KDM2A: variants seen among roughly 807,000 people sequenced by gnomAD.
KDM2A encodes the protein lysine demethylase 2A, also known as lysine-specific demethylase 2A.
A neutral mutation model predicts 137.3 loss-of-function variants in KDM2A; 3 were observed. The observed-to-expected ratio is 0.02, with a 90% CI of 0.01 to 0.06. The LOEUF is 0.06. Ranked by LOEUF, KDM2A falls within the 10% of genes least tolerant of loss-of-function variation. KDM2A has a pLI of 1.00. For synonymous variants in KDM2A, 512 were observed against 541.5 expected (o/e 0.95, Z 0.76); for missense variants, 738 against 1,510.6 (o/e 0.49, Z 8.48).
chr11:67,235,926 C>G (rs1234870627), intron 12 of KDM2A, among the ~76,000 whole-genome samples: 1 of 152,046 alleles, frequency 6.6e-6, no homozygotes, highest in Non-Finnish European at 1.5e-5. Context: ...CCAAGATATC[C>G]TTAACATTTC....
intron 5 of KDM2A, among the ~76,000 whole-genome samples, chr11:67,187,722 C>T (rs1040365586): frequency 3.9e-5 from 6 of 152,050 alleles, no homozygotes; most frequent in Non-Finnish European, 7.4e-5. Flanking sequence ...TACAGGTGCC[C>T]GCCACCACGC....
intron 1 of KDM2A, among the ~76,000 whole-genome samples, chr11:67,120,523 A>G (rs1269891387): frequency 1.3e-5 from 2 of 152,142 alleles, no homozygotes; most frequent in Admixed American, 6.6e-5. Flanking sequence ...TTTGGACAAG[A>G]TGTATTTTCC....
intron 2 of KDM2A, among the ~76,000 whole-genome samples, chr11:67,152,640 G>A (rs867983898): frequency 6.6e-6 from 1 of 151,504 alleles, no homozygotes; most frequent in Admixed American, 6.6e-5. Flanking sequence ...ATTGGCTACC[G>A]GAAAAATTTA....
intron 2 of KDM2A, among the ~76,000 whole-genome samples, chr11:67,132,492 G>A (rs1362045707): frequency 6.6e-6 from 1 of 152,048 alleles, no homozygotes; most frequent in African/African-American, 2.4e-5. Flanking sequence ...AACTATTATT[G>A]GCCAGGCTGG....
intron 5 of KDM2A, among the ~76,000 whole-genome samples, chr11:67,206,610 C>T (rs1857812015): frequency 6.6e-6 from 1 of 152,008 alleles, no homozygotes; most frequent in Non-Finnish European, 1.5e-5. Flanking sequence ...GTGGCGTGTG[C>T]CTGTAGTCCC....
rs1565424961 is a variant in KDM2A, at chr11:67,248,263, ATC to A, written c.1966-14_1966-13del. The A allele has an allele frequency of 1.3e-6, 2 of 1,568,852 alleles. No homozygotes were observed. Among genetic ancestry groups the A allele is most frequent in the African/African-American group, 1.3e-5 (1 of 74,182 alleles). On this transcript the variant is annotated splice_polypyrimidine_tract_variant and intron_variant, in intron 15 of 20. Transcript: ENST00000529006. The stretch of plus-strand genomic sequence containing the variant: ...GCTTGAGAGACAGGCTTTTAAAAAC[ATC>A]TCTGTCTTCCTATAGATGGACGGAG...
At chr11:67,246,403 A>G (rs1859205872) in intron 15 of KDM2A, among the ~76,000 whole-genome samples, 1 of 152,090 alleles carries the variant, frequency 6.6e-6, no homozygotes, top group South Asian at 2.1e-4. Flanking sequence ...CCAGGCCATA[A>G]TGGAACTGCA....
chr11:67,224,009 C>G (rs1858451499), intron 10 of KDM2A, among the ~76,000 whole-genome samples: 1 of 152,182 alleles, frequency 6.6e-6, no homozygotes, highest in Non-Finnish European at 1.5e-5. Flanking sequence ...GAATCAGGGT[C>G]TGGCTACTAT....
Position 67,203,790 on chromosome 11 carries a change from C to A in KDM2A, c.308-3720C>A, listed in dbSNP as rs536840687. On this transcript the variant is annotated intron_variant, in intron 5 of 20. Transcript: ENST00000529006. Reference sequence around the variant, plus strand: ...AGAATAAAATGCTTTCCTCTACATTCTTTTTTTTTTTTTTCTTTTTTCTTT... The same window carrying A: ...AGAATAAAATGCTTTCCTCTACATTATTTTTTTTTTTTTTCTTTTTTCTTT... Among the ~76,000 whole-genome samples, 3 of 141,422 alleles carry A rather than the reference C, an allele frequency of 2.1e-5. No homozygotes were observed. The South Asian group carries it at 6.8e-4, about 32-fold the overall frequency. The allele number at this position is 141,422 out of a possible 152,430, so 92.8% of individuals were successfully genotyped here.
At chr11:67,225,307 A>G (rs1858505295) in intron 10 of KDM2A, among the ~76,000 whole-genome samples, 1 of 152,202 alleles carries the variant, frequency 6.6e-6, no homozygotes, top group Admixed American at 6.5e-5. Context: ...AAAATGTCAA[A>G]TCCTAGAAAA....
intron 15 of KDM2A, among the ~76,000 whole-genome samples, chr11:67,247,040 TATATATATATATA>T (rs1859245653): frequency 5.2e-5 from 1 of 19,212 alleles, no homozygotes; most frequent in African/African-American, 1.7e-4. Context: ...AATTATTTTA[TATATATATATATA>T]TATATATATA....
chr11:67,254,366 C>T lies in KDM2A; in HGVS notation c.3255C>T (p.Leu1085=). ...SHLTDQSSNL[L]TAVGSSTRYS... Reference sequence around the variant, plus strand: ...TTACAGATCAGTCCTCCAATCTACTCACTGCTGTCGGGTCTTCCACTCGCT... The same window carrying T: ...TTACAGATCAGTCCTCCAATCTACTTACTGCTGTCGGGTCTTCCACTCGCT... The change falls in exon 20 of 21, where the codon CTC becomes CTT. Residue 1085 remains leucine, a synonymous_variant. Transcript: ENST00000529006. This position sits in a 1 kb window ranked among gnomAD's most constrained non-coding sequence, Gnocchi z 4.7. 1 of 1,614,068 alleles carries T rather than the reference C, an allele frequency of 6.2e-7. No homozygotes were observed. Among genetic ancestry groups the T allele is most frequent in the Non-Finnish European group, 8.5e-7 (1 of 1,179,906 alleles).
At position 67,257,633 on chromosome 11, in the gene KDM2A, C is replaced by T. The variant is rs1859654643; in HGVS notation, c.*2578C>T. The T allele has an allele frequency of 6.6e-6, 1 of 152,222 alleles. No individual in the cohort carries two copies. The highest frequency in any genetic ancestry group is 6.6e-5 in the Admixed American group (1 of 15,258). 9.4% of individuals were successfully genotyped at this position (152,222 alleles called of 1,614,324 possible). A position where few individuals can be genotyped will look rare whatever the true frequency, so the allele number is the denominator to read the frequency against. On this transcript the variant is annotated 3_prime_UTR_variant, in exon 21 of 21. Coordinates refer to ENST00000529006, the MANE Select transcript of KDM2A (RefSeq NM_012308.3). ...AATCACTTGGTGATTAAAAAAATAA[C>T]TGCTCCATAAATAAAACTCCTAAAG...
chr11:67,215,545 A>G, intron 7 of KDM2A, 99 bp downstream of exon 7: 3 of 764,202 alleles, frequency 3.9e-6, no homozygotes, highest in Admixed American at 2.3e-5. Flanking sequence ...TGTGTCTTGA[A>G]TGATTAAAAA....
At chr11:67,232,266 A>G (rs550040080) in intron 12 of KDM2A, among the ~76,000 whole-genome samples, 43 of 152,376 alleles carry the variant, frequency 2.8e-4, no homozygotes, top group Non-Finnish European at 5.6e-4. Flanking sequence ...GAAATGTTAC[A>G]TTAAACTTAA....
chr11:67,167,187 T>G (rs1396940977), intron 2 of KDM2A, among the ~76,000 whole-genome samples: 1 of 152,238 alleles, frequency 6.6e-6, no homozygotes, highest in South Asian at 2.1e-4. Context: ...AGAATGTGCC[T>G]TAGATATAAC....
chr11:67,203,842 C>G (rs1052850044), intron 5 of KDM2A, among the ~76,000 whole-genome samples: 2 of 151,416 alleles, frequency 1.3e-5, no homozygotes, highest in South Asian at 2.1e-4. Context: ...CTGTGTCGCC[C>G]AGGTCCGGAG....
intron 2 of KDM2A, among the ~76,000 whole-genome samples, chr11:67,163,930 C>T (rs1246397637): frequency 6.6e-6 from 1 of 151,548 alleles, no homozygotes; most frequent in African/African-American, 2.4e-5. Context: ...TCATTTAATC[C>T]TCATACAACC....
At chr11:67,249,454 C>G (rs1044132781) in intron 16 of KDM2A, among the ~76,000 whole-genome samples, 1 of 152,184 alleles carries the variant, frequency 6.6e-6, no homozygotes, top group Admixed American at 6.5e-5. Flanking sequence ...ACTACTGATA[C>G]GGTTCCTAGT....
Sources: gnomAD v4.1 joint callset for allele counts (sites outside exome capture counted in the v4.1 genomes callset) on GRCh38, gnomAD v4.1.1 for gene constraint, Gnocchi (gnomAD v3.1) non-coding constraint, MANE v1.5 for transcripts, NCBI Gene and HGNC (gene_info 2026-07-23, HGNC 2026-07-21) for gene names.